The following ICA1 variants were observed in gnomAD, a reference collection of about 807,000 sequenced individuals.
ICA1 encodes the protein 69 kDa islet cell autoantigen.
Under a neutral mutation model 71.0 loss-of-function variants are expected in ICA1, and 40 were observed. The ratio of observed to expected loss-of-function variants is 0.56; its 90% CI spans 0.44 to 0.73. The LOEUF (loss-of-function observed/expected upper bound fraction) is 0.73, where lower values mean the gene tolerates loss of function less well. Among genes scored for constraint, ICA1 ranks in the 30% least tolerant of loss-of-function variants. ICA1 has a pLI of 0.00. For missense variants in ICA1, 578 were observed against 576.5 expected (o/e 1.00, Z -0.03); for synonymous variants, 207 against 209.5 (o/e 0.99, Z 0.10).
In ICA1 at chr7:8,174,867, C is replaced by T. The variant is rs749027382; in HGVS notation, c.580-16215G>A. On this transcript the variant is annotated intron_variant, in intron 6 of 13. Coordinates refer to ENST00000402384, the MANE Select transcript of ICA1 (RefSeq NM_001136020.3). ...TCTTGGCAGCATCATTCTACCATTG[C>T]GCTGAAGAGAATTACACCTGAATAG... Among the ~76,000 whole-genome samples the T allele has an allele frequency of 2.0e-4, 31 of 151,908 alleles. 1 individual carries two copies. Among genetic ancestry groups the T allele is most frequent in the Admixed American group, 3.3e-4 (5 of 15,284 alleles).
chr7:8,156,695 G>C, intron 8 of ICA1: 1 of 788,868 alleles, frequency 1.3e-6, no homozygotes, highest in Non-Finnish European at 1.8e-6. Flanking sequence ...GAGGAAAGGA[G>C]GACACCTTCT....
At chr7:8,164,780 C>T (rs757462580) in intron 6 of ICA1, among the ~76,000 whole-genome samples, 4 of 152,202 alleles carry the variant, frequency 2.6e-5, no homozygotes, top group Non-Finnish European at 4.4e-5. Flanking sequence ...GAAGTCACTT[C>T]AAAAACAGAA....
intron 12 of ICA1, among the ~76,000 whole-genome samples, chr7:8,137,887 A>G (rs1162401311): frequency 6.6e-6 from 1 of 152,184 alleles, no homozygotes; most frequent in African/African-American, 2.4e-5. Flanking sequence ...AATTAAATCA[A>G]CATCAAGCCC....
chr7:8,175,012 A>AAATTCC (rs1193999889), intron 6 of ICA1, among the ~76,000 whole-genome samples: 4 of 152,244 alleles, frequency 2.6e-5, no homozygotes, highest in African/African-American at 9.6e-5. Flanking sequence ...TTGGAGACAA[A>AAATTCC]AATTCCACCA....
chr7:8,188,986 T>C (rs1784706321), intron 6 of ICA1, among the ~76,000 whole-genome samples: 1 of 152,188 alleles, frequency 6.6e-6, no homozygotes, highest in African/African-American at 2.4e-5. Context: ...TTTGATACCC[T>C]GGGAGAGGAG....
chr7:8,120,784 C>A (rs1296364580), intron 13 of ICA1, among the ~76,000 whole-genome samples: 2 of 152,240 alleles, frequency 1.3e-5, no homozygotes, highest in East Asian at 1.9e-4. Context: ...TCTAAATCAG[C>A]CAGGCATAAG....
rs1796130403 is a variant in ICA1 at position 8,144,107 on chromosome 7, T to C, written c.805-135A>G. ...CAGCAACCAAACTTTGAATTACAGG[T>C]ATTGGGAGGTGACCTTGAACCAATC... On this transcript the variant is annotated intron_variant, in intron 8 of 13. Coordinates refer to ENST00000402384, the MANE Select transcript of ICA1 (RefSeq NM_001136020.3). This position sits in a 1 kb window ranked among gnomAD's most constrained non-coding sequence, Gnocchi z 4.5. 1.6e-6 allele frequency: 1 copy of C among 618,716 alleles called. No individual in the cohort carries two copies. Among genetic ancestry groups the C allele is most frequent in the Non-Finnish European group, 2.8e-6 (1 of 353,128 alleles). The allele number at this position is 618,716 out of a possible 1,614,324, so 38.3% of individuals were successfully genotyped here.
intron 8 of ICA1, among the ~76,000 whole-genome samples, chr7:8,145,873 C>T (rs376618092): frequency 2.6e-4 from 40 of 151,664 alleles, no homozygotes; most frequent in South Asian, 1.0e-3. Context: ...ATAAAAAAGA[C>T]GTTATATACC....
chr7:8,113,725 C>T lies in ICA1; in HGVS notation c.*198G>A, dbSNP rs977482489. The T allele has an allele frequency of 9.1e-6, 5 of 547,810 alleles. No homozygotes were observed. The highest frequency in any genetic ancestry group is 6.4e-6 in the Non-Finnish European group (2 of 312,664). 33.9% of individuals were successfully genotyped at this position (547,810 alleles called of 1,614,324 possible). On this transcript the variant is annotated 3_prime_UTR_variant, in exon 14 of 14. Coordinates refer to ENST00000402384, the MANE Select transcript of ICA1 (RefSeq NM_001136020.3). This position sits in a 1 kb window ranked among gnomAD's most constrained non-coding sequence, Gnocchi z 4.2. The stretch of plus-strand genomic sequence containing the variant: ...TAGACAATCCTGTATTATTTAGATC[C>T]ACATAGAGATACACGAAAACCCTTT...
At chr7:8,203,929 C>T (rs73677006) in intron 6 of ICA1, among the ~76,000 whole-genome samples, 1 of 152,096 alleles carries the variant, frequency 6.6e-6, no homozygotes, top group Non-Finnish European at 1.5e-5. Context: ...AGGCGCCAGA[C>T]AGACCCCAAG....
Position 8,173,962 on chromosome 7 carries a change from C to G in ICA1, c.580-15310G>C, listed in dbSNP as rs1779683826. On this transcript the variant is annotated intron_variant, in intron 6 of 13. Coordinates refer to ENST00000402384, the MANE Select transcript of ICA1 (RefSeq NM_001136020.3). The surrounding 1 kb of genome is among the most constrained non-coding windows in gnomAD (Gnocchi z 4.0). Reference sequence around the variant, plus strand: ...ATATTGTCTGTTGGTGAAAATAAAGCATTGTAAGAAAGATATGAGTGCAGG... The same window carrying G: ...ATATTGTCTGTTGGTGAAAATAAAGGATTGTAAGAAAGATATGAGTGCAGG... Among the ~76,000 whole-genome samples the G allele has an allele frequency of 1.3e-5, 2 of 151,998 alleles. No homozygotes were observed. Among genetic ancestry groups the G allele is most frequent in the Admixed American group, 1.3e-4 (2 of 15,270 alleles).
chr7:8,196,920 C>A (rs1294477533), intron 6 of ICA1, among the ~76,000 whole-genome samples: 1 of 152,022 alleles, frequency 6.6e-6, no homozygotes, highest in Non-Finnish European at 1.5e-5. Context: ...AGCTTTCTTT[C>A]CTCCCGCCAT....
At chr7:8,221,510 A>AAATTAAATCT in intron 4 of ICA1, 112 bp from the exon 5 acceptor site, 1 of 1,243,434 alleles carries the variant, frequency 8.0e-7, no homozygotes. Flanking sequence ...AGACGAGATG[A>AAATTAAATCT]AATTAAATCT....
intron 6 of ICA1, among the ~76,000 whole-genome samples, chr7:8,174,771 A>AAAAAGAACAAAAAACC (rs1554310919): frequency 1.9e-5 from 2 of 106,038 alleles, no homozygotes; most frequent in Non-Finnish European, 4.0e-5. Context: ...AAAAAAAAAA[A>AAAAAGAACAAAAAACC]AAAAAAAACA....
chr7:8,146,006 C>T (rs1406544836), intron 8 of ICA1, among the ~76,000 whole-genome samples: 1 of 152,062 alleles, frequency 6.6e-6, no homozygotes, highest in Admixed American at 6.5e-5. Context: ...CATTTTCTTG[C>T]ATAAAGCACA....
intron 6 of ICA1, among the ~76,000 whole-genome samples, chr7:8,163,261 T>C (rs1804596038): frequency 6.6e-6 from 1 of 152,260 alleles, no homozygotes; most frequent in African/African-American, 2.4e-5. Context: ...AAGCTATTCG[T>C]ACTTTCAGTT....
At chr7:8,181,947 C>G (rs1397647608) in intron 6 of ICA1, among the ~76,000 whole-genome samples, 1 of 152,108 alleles carries the variant, frequency 6.6e-6, no homozygotes, top group Non-Finnish European at 1.5e-5. Context: ...GAGCAATGTT[C>G]TTTGAACCTG....
chr7:8,135,971 G>T (rs544666411), intron 12 of ICA1, among the ~76,000 whole-genome samples: 1 of 152,210 alleles, frequency 6.6e-6, no homozygotes, highest in Admixed American at 6.5e-5. Context: ...TATAATTAAC[G>T]AATTGAGGTC....
At chr7:8,198,281 A>C (rs1454968345) in intron 6 of ICA1, among the ~76,000 whole-genome samples, 1 of 152,234 alleles carries the variant, frequency 6.6e-6, no homozygotes. Context: ...CTGAGATGGT[A>C]TCAACCTCAA....
Sources: allele counts gnomAD v4.1 joint callset (sites outside exome capture counted in the v4.1 genomes callset), GRCh38; gene constraint gnomAD v4.1.1; non-coding constraint Gnocchi (gnomAD v3.1); transcripts MANE v1.5; gene names NCBI Gene and HGNC (gene_info 2026-07-23, HGNC 2026-07-21).